MGAT4C: variants seen among roughly 807,000 people sequenced by gnomAD.
The protein encoded by MGAT4C is MGAT4 family member C, also known as alpha-1,3-mannosyl-glycoprotein 4-beta-N-acetylglucosaminyltransferase C.
MGAT4C carries 19 observed loss-of-function variants against 40.1 expected under a neutral mutation model. The ratio of observed to expected loss-of-function variants is 0.47; its 90% CI spans 0.33 to 0.70. The LOEUF is 0.70. MGAT4C is among the 30% of genes least tolerant of loss of function. The pLI, the probability that MGAT4C is intolerant of heterozygous loss-of-function variation, is 0.02. For synonymous variants in MGAT4C, 181 were observed against 187.1 expected (o/e 0.97, Z 0.27); for missense variants, 491 against 563.2 (o/e 0.87, Z 1.30).
intron 3 of MGAT4C, among the ~76,000 whole-genome samples, chr12:86,382,139 C>T (rs1005470119): frequency 2.6e-5 from 4 of 152,160 alleles, no homozygotes; most frequent in Non-Finnish European, 5.9e-5. Flanking sequence ...ATTTGGAACT[C>T]CTGAGAGACT....
chr12:86,551,225 G>A (rs1319205792), intron 2 of MGAT4C, among the ~76,000 whole-genome samples: 1 of 152,174 alleles, frequency 6.6e-6, no homozygotes, highest in Non-Finnish European at 1.5e-5. Context: ...GGTTCCCCTG[G>A]TGGTCAAGCC....
chr12:86,766,967 G>A (rs1343832772), intron 1 of MGAT4C, among the ~76,000 whole-genome samples: 1 of 152,082 alleles, frequency 6.6e-6, no homozygotes, highest in Non-Finnish European at 1.5e-5. Flanking sequence ...AACTAGAAAA[G>A]CAAGAGCAAA....
At chr12:86,710,341 T>C (rs564401726) in intron 2 of MGAT4C, among the ~76,000 whole-genome samples, 125 of 152,340 alleles carry the variant, frequency 8.2e-4, no homozygotes, top group African/African-American at 2.8e-3. Flanking sequence ...TTATTCATCA[T>C]TGTCTCTGGT....
chr12:86,041,569 A>G (rs1159686642), intron 2 of MGAT4C, among the ~76,000 whole-genome samples: 1 of 152,126 alleles, frequency 6.6e-6, no homozygotes, highest in Non-Finnish European at 1.5e-5. Flanking sequence ...CCTTAATCTC[A>G]TCGTTTACCC....
At chr12:86,315,064 T>C (rs939784977) in intron 4 of MGAT4C, among the ~76,000 whole-genome samples, 1 of 144,030 alleles carries the variant, frequency 6.9e-6, no homozygotes, top group African/African-American at 2.6e-5. Context: ...AAAAAACAAA[T>C]AAAAAACAGA....
intron 2 of MGAT4C, among the ~76,000 whole-genome samples, chr12:86,613,159 A>G (rs1266991554): frequency 1.3e-5 from 2 of 152,216 alleles, no homozygotes; most frequent in African/African-American, 4.8e-5. Context: ...AAACGATTAA[A>G]TTAATATATG....
intron 1 of MGAT4C, among the ~76,000 whole-genome samples, chr12:86,252,701 T>C (rs1050157304): frequency 6.7e-6 from 1 of 149,532 alleles, no homozygotes; most frequent in Non-Finnish European, 1.5e-5. Flanking sequence ...AAGTTTTTAA[T>C]TAAAATAAAA....
chr12:86,039,391 C>T (rs1166424289), intron 2 of MGAT4C, among the ~76,000 whole-genome samples: 1 of 152,150 alleles, frequency 6.6e-6, no homozygotes, highest in Non-Finnish European at 1.5e-5. Context: ...CACATAGTCC[C>T]ATATTTCTTG....
At chr12:86,488,394 T>C (rs1393726697) in intron 2 of MGAT4C, among the ~76,000 whole-genome samples, 1 of 150,360 alleles carries the variant, frequency 6.7e-6, no homozygotes, top group Non-Finnish European at 1.5e-5. Flanking sequence ...GGCATCGTAC[T>C]CCAGCCTGGG....
intron 2 of MGAT4C, among the ~76,000 whole-genome samples, chr12:86,649,350 A>C (rs981932943): frequency 7.2e-5 from 11 of 151,738 alleles, no homozygotes; most frequent in African/African-American, 2.7e-4. Flanking sequence ...AATATTGTTG[A>C]GCTTTTTATT....
intron 2 of MGAT4C, among the ~76,000 whole-genome samples, chr12:86,554,871 A>G (rs1290228242): frequency 6.6e-6 from 1 of 152,194 alleles, no homozygotes; most frequent in Non-Finnish European, 1.5e-5. Flanking sequence ...AGGTTTCCAC[A>G]GGGCTGTATT....
intron 4 of MGAT4C, among the ~76,000 whole-genome samples, chr12:86,326,155 C>T (rs969137463): frequency 2.6e-5 from 4 of 151,718 alleles, no homozygotes; most frequent in East Asian, 1.9e-4. Flanking sequence ...TTATATTAAG[C>T]GGCCAACAAA....
At chr12:86,676,532 G>A (rs1964404510) in intron 2 of MGAT4C, among the ~76,000 whole-genome samples, 1 of 152,106 alleles carries the variant, frequency 6.6e-6, no homozygotes, top group Non-Finnish European at 1.5e-5. Context: ...TATACTTGTG[G>A]ATTTTAAGGA....
chr12:86,795,666 G>A (rs889790091), intron 1 of MGAT4C, among the ~76,000 whole-genome samples: 1 of 151,830 alleles, frequency 6.6e-6, no homozygotes, highest in African/African-American at 2.4e-5. Context: ...GAAGAAGAGA[G>A]ATGGATACAT....
At chr12:86,536,301 CAT>C (rs1959066761) in intron 2 of MGAT4C, among the ~76,000 whole-genome samples, 2 of 152,082 alleles carry the variant, frequency 1.3e-5, no homozygotes, top group East Asian at 1.9e-4. Context: ...TCATAAAGGA[CAT>C]AGATTTGCAA....
At position 86,423,726 on chromosome 12, in the gene MGAT4C, T is replaced by C. The variant is rs574183121; in HGVS notation, c.-120+11431A>G. 3.9e-5 allele frequency among the ~76,000 whole-genome samples: 6 copies of C among 152,330 alleles called. No individual in the cohort carries two copies. In the East Asian group the frequency reaches 9.6e-4, roughly 24 times the overall value. On this transcript the variant is annotated intron_variant, in intron 3 of 7. Transcript: ENST00000548651. ...TGTAAAATATCCATTCATAATGTAT[T>C]GAACATTACATTACATTATTATCCA...
At chr12:86,518,738 C>T (rs1354781586) in intron 2 of MGAT4C, among the ~76,000 whole-genome samples, 2 of 152,122 alleles carry the variant, frequency 1.3e-5, no homozygotes, top group Non-Finnish European at 2.9e-5. Flanking sequence ...CACACTACTA[C>T]TTCTATCAGG....
intron 2 of MGAT4C, among the ~76,000 whole-genome samples, chr12:86,012,837 T>G (rs1592685182): frequency 6.9e-6 from 1 of 144,308 alleles, no homozygotes; most frequent in African/African-American, 2.6e-5. Context: ...ACCACCTGGG[T>G]GGTGGGCCTG....
At chr12:86,313,642 C>T (rs1161432864) in intron 4 of MGAT4C, among the ~76,000 whole-genome samples, 2 of 151,988 alleles carry the variant, frequency 1.3e-5, no homozygotes, top group African/African-American at 2.4e-5. Flanking sequence ...AACAAAGAAA[C>T]AAATATGCAA....
Sources: allele counts gnomAD v4.1 joint callset (sites outside exome capture counted in the v4.1 genomes callset), GRCh38; gene constraint gnomAD v4.1.1; transcripts MANE v1.5; gene names NCBI Gene and HGNC (gene_info 2026-07-23, HGNC 2026-07-21).